Variants in ANO2 observed in about 807,000 individuals in gnomAD.
The protein encoded by ANO2 is anoctamin-2.
Under a neutral mutation model 124.2 loss-of-function variants are expected in ANO2, and 101 were observed. That is an observed-to-expected ratio of 0.81 (90% CI 0.69 to 0.96). The LOEUF is 0.96. ANO2 is among the 40% of genes least tolerant of loss of function. The probability of loss-of-function intolerance (pLI) is 0.00; values close to 1 mark genes in which losing one functional copy is unlikely to be tolerated. For missense variants in ANO2, 1,293 were observed against 1,274.5 expected (o/e 1.01, Z -0.22); for synonymous variants, 486 against 482.5 (o/e 1.01, Z -0.09).
intron 1 of ANO2, among the ~76,000 whole-genome samples, chr12:5,928,445 T>C: frequency 1.0e-5 from 1 of 98,748 alleles, no homozygotes; most frequent in South Asian, 3.0e-4. Flanking sequence ...CTACTTTCCT[T>C]CCTCCGTAGT....
chr12:5,884,459 T>A (rs1243492215), intron 3 of ANO2, among the ~76,000 whole-genome samples: 1 of 152,238 alleles, frequency 6.6e-6, no homozygotes, highest in Non-Finnish European at 1.5e-5. Flanking sequence ...AAGCAATCAC[T>A]GCATCATGGC....
intron 4 of ANO2, among the ~76,000 whole-genome samples, chr12:5,841,257 G>A (rs114427511): frequency 1.0e-3 from 154 of 152,304 alleles, no homozygotes; most frequent in African/African-American, 3.6e-3. Context: ...CTACAACCTG[G>A]AGCCAAAGGA....
chr12:5,722,955 C>T (rs958042340), intron 14 of ANO2, among the ~76,000 whole-genome samples: 1 of 152,178 alleles, frequency 6.6e-6, no homozygotes, highest in African/African-American at 2.4e-5. Context: ...TTATAAACAA[C>T]AACAACGACA....
At chr12:5,620,759 C>T (rs924854694) in intron 16 of ANO2, among the ~76,000 whole-genome samples, 9 of 151,994 alleles carry the variant, frequency 5.9e-5, no homozygotes, top group Admixed American at 2.6e-4. Flanking sequence ...TATGGCCCCC[C>T]GAGATAAAAG....
intron 13 of ANO2, chr12:5,733,214 G>T: frequency 2.4e-6 from 1 of 411,250 alleles, no homozygotes; most frequent in Non-Finnish European, 4.6e-6. Flanking sequence ...TTCCTGTGCA[G>T]CCTCGGTGAG....
intron 3 of ANO2, among the ~76,000 whole-genome samples, chr12:5,917,565 C>CTTTTTTTTT (rs1275136752): frequency 4.1e-4 from 41 of 100,608 alleles, no homozygotes; most frequent in Non-Finnish European, 5.7e-4. Flanking sequence ...TCTCTTTTTT[C>CTTTTTTTTT]TTTTTTTTTT....
At chr12:5,581,701 G>C (rs940259111) in intron 20 of ANO2, among the ~76,000 whole-genome samples, 1 of 151,936 alleles carries the variant, frequency 6.6e-6, no homozygotes. Context: ...CCTTCCCCTC[G>C]CCATGTAAGT....
intron 3 of ANO2, among the ~76,000 whole-genome samples, chr12:5,867,797 A>AC (rs1376152061): frequency 5.3e-5 from 8 of 151,398 alleles, no homozygotes; most frequent in Non-Finnish European, 1.2e-4. Flanking sequence ...AAAAAAAAAA[A>AC]AAACCAGTGG....
intron 13 of ANO2, among the ~76,000 whole-genome samples, chr12:5,738,357 C>T (rs554752346): frequency 6.6e-6 from 1 of 152,346 alleles, no homozygotes; most frequent in Admixed American, 6.5e-5. Flanking sequence ...GAGTAATGAG[C>T]AGGCTTGTGT....
At chr12:5,864,383 T>C (rs1201260704) in intron 3 of ANO2, among the ~76,000 whole-genome samples, 2 of 152,230 alleles carry the variant, frequency 1.3e-5, no homozygotes, top group African/African-American at 4.8e-5. Flanking sequence ...GCCAGTAGGC[T>C]GGCGCCTGGG....
chr12:5,672,446 G>C lies in ANO2; in HGVS notation c.1546-24645C>G, dbSNP rs551733570. On this transcript the variant is annotated intron_variant, in intron 14 of 24. Transcript: ENST00000682330. ...AGTCTGTGCCCTTCTGAACACTCTT[G>C]GTTTGAAAAGCAAAGTCCTTAGGTT... Among the ~76,000 whole-genome samples the C allele has an allele frequency of 6.2e-4, 95 of 152,252 alleles. 1 individual carries two copies. The highest frequency in any genetic ancestry group is 2.2e-3 in the African/African-American group (91 of 41,544).
chr12:5,888,187 C>A (rs1053535610), intron 3 of ANO2, among the ~76,000 whole-genome samples: 1 of 151,644 alleles, frequency 6.6e-6, no homozygotes, highest in Non-Finnish European at 1.5e-5. Context: ...TGCAGACCTT[C>A]GCGGTGAGTG....
rs149638168 is a variant in ANO2, at chr12:5,616,744, G to T, written c.1817-1447C>A. Among the ~76,000 whole-genome samples, 281 of 152,214 alleles carry T rather than the reference G, an allele frequency of 1.8e-3. 2 individuals are homozygous for T. The highest frequency in any genetic ancestry group is 6.5e-3 in the African/African-American group (268 of 41,508). ...GGACACAAAACTTTGTTTCTTCCAA[G>T]GAATACCCTTCCCTCACCCATCACC... is the stretch of plus-strand genomic sequence containing the variant. On this transcript the variant is annotated intron_variant, in intron 16 of 24. Coordinates refer to ENST00000682330, the MANE Select transcript of ANO2 (RefSeq NM_001364791.2).
At chr12:5,887,023 G>A (rs756856351) in intron 3 of ANO2, among the ~76,000 whole-genome samples, 1 of 152,102 alleles carries the variant, frequency 6.6e-6, no homozygotes, top group Non-Finnish European at 1.5e-5. Context: ...TGGTGGTTGC[G>A]CTACAATGTG....
At chr12:5,923,280 G>GCA (rs1198399219) in intron 1 of ANO2, among the ~76,000 whole-genome samples, 1 of 44,368 alleles carries the variant, frequency 2.3e-5, no homozygotes, top group African/African-American at 6.3e-5. Flanking sequence ...ACACACACAC[G>GCA]CACACACACA....
rs1042780196 is a variant in ANO2, at chr12:5,714,181, C to A, written c.1545+18339G>T. ...TCACTCCAGAGTTAACTTTGTCTGG[C>A]AAAGGCTTGAAGGACACAGAATCAT... is the stretch of plus-strand genomic sequence containing the variant. On this transcript the variant is annotated intron_variant, in intron 14 of 24. Coordinates refer to ENST00000682330, the MANE Select transcript of ANO2 (RefSeq NM_001364791.2). Among the ~76,000 whole-genome samples, 8 of 152,282 alleles carry A rather than the reference C, an allele frequency of 5.3e-5. No homozygotes were observed. In the East Asian group the frequency reaches 1.3e-3, roughly 26 times the overall value.
At chr12:5,910,734 G>A (rs1940998743) in intron 3 of ANO2, among the ~76,000 whole-genome samples, 1 of 152,140 alleles carries the variant, frequency 6.6e-6, no homozygotes, top group Non-Finnish European at 1.5e-5. Flanking sequence ...CTGTCCAGGG[G>A]TAGCAGGGAG....
chr12:5,834,138 G>A (rs775337748), intron 4 of ANO2, among the ~76,000 whole-genome samples: 4 of 152,098 alleles, frequency 2.6e-5, no homozygotes, highest in African/African-American at 4.8e-5. Flanking sequence ...ACATGAAGCA[G>A]AATAATCACC....
intron 14 of ANO2, among the ~76,000 whole-genome samples, chr12:5,697,114 A>G (rs1426331544): frequency 1.3e-5 from 2 of 152,218 alleles, no homozygotes; most frequent in Non-Finnish European, 2.9e-5. Context: ...CATACAGTAG[A>G]ACTAGAAAAG....
Sources: allele counts gnomAD v4.1 joint callset (sites outside exome capture counted in the v4.1 genomes callset), GRCh38; gene constraint gnomAD v4.1.1; transcripts MANE v1.5; gene names NCBI Gene and HGNC (gene_info 2026-07-23, HGNC 2026-07-21).